KIAA1958: variants seen among roughly 807,000 people sequenced by gnomAD.
The protein encoded by KIAA1958 is KIAA1958.
In KIAA1958, 14 loss-of-function variants were observed where a neutral mutation model predicts 47.2. The ratio of observed to expected loss-of-function variants is 0.30; its 90% CI spans 0.20 to 0.46. KIAA1958 has a LOEUF of 0.46. KIAA1958 is among the 20% of genes least tolerant of loss of function. The pLI is 1.00. For synonymous variants in KIAA1958, 354 were observed against 353.3 expected (o/e 1.00, Z -0.02); for missense variants, 803 against 909.2 (o/e 0.88, Z 1.50).
At chr9:112,503,516 G>A (rs908102538) in intron 1 of KIAA1958, among the ~76,000 whole-genome samples, 19 of 150,548 alleles carry the variant, frequency 1.3e-4, no homozygotes, top group African/African-American at 2.9e-4. Context: ...AAGTGTGGTC[G>A]TGCATACCTG....
intron 1 of KIAA1958, among the ~76,000 whole-genome samples, chr9:112,499,862 GTA>G (rs1834105184): frequency 6.6e-6 from 1 of 150,866 alleles, no homozygotes; most frequent in African/African-American, 2.4e-5. Flanking sequence ...CTAATTTTTT[GTA>G]TATTTAGTAG....
intron 1 of KIAA1958, among the ~76,000 whole-genome samples, chr9:112,503,674 G>A (rs1834184213): frequency 6.7e-6 from 1 of 150,322 alleles, no homozygotes; most frequent in Admixed American, 6.6e-5. Context: ...GGGGAGAGCT[G>A]CAAGGAAAAA....
intron 1 of KIAA1958, among the ~76,000 whole-genome samples, chr9:112,564,934 G>A (rs1835402030): frequency 6.6e-6 from 1 of 152,050 alleles, no homozygotes; most frequent in Non-Finnish European, 1.5e-5. Context: ...TCTAAAATGA[G>A]GATAATTAAT....
At chr9:112,596,085 G>A (rs981509986) in intron 2 of KIAA1958, among the ~76,000 whole-genome samples, 6 of 152,046 alleles carry the variant, frequency 3.9e-5, no homozygotes, top group African/African-American at 9.7e-5. Context: ...GCACCCAGCC[G>A]AAAACATTTT....
chr9:112,611,605 T>C (rs1364755600), intron 2 of KIAA1958, among the ~76,000 whole-genome samples: 1 of 151,794 alleles, frequency 6.6e-6, no homozygotes, highest in East Asian at 1.9e-4. Context: ...AAATGAACAA[T>C]ATGGCAATAA....
intron 1 of KIAA1958, among the ~76,000 whole-genome samples, chr9:112,544,705 G>T (rs1438471876): frequency 6.6e-6 from 1 of 152,148 alleles, no homozygotes; most frequent in Non-Finnish European, 1.5e-5. Flanking sequence ...GTTAAGCTCT[G>T]CAACTTATAC....
chr9:112,502,796 GACTT>G (rs1342872954), intron 1 of KIAA1958, among the ~76,000 whole-genome samples: 1 of 152,212 alleles, frequency 6.6e-6, no homozygotes, highest in Non-Finnish European at 1.5e-5. Flanking sequence ...TTTACTATCT[GACTT>G]ACTCCAGGAA....
chr9:112,511,567 G>A (rs893219729), intron 1 of KIAA1958, among the ~76,000 whole-genome samples: 3 of 152,214 alleles, frequency 2.0e-5, no homozygotes, highest in African/African-American at 7.2e-5. Flanking sequence ...TATAGCTAAA[G>A]TAGTACTTTG....
chr9:112,534,573 C>T (rs570523015), intron 1 of KIAA1958, among the ~76,000 whole-genome samples: 2 of 147,150 alleles, frequency 1.4e-5, no homozygotes, highest in South Asian at 2.1e-4. Flanking sequence ...GATGGAGTTT[C>T]GTTCTTATTG....
At chr9:112,599,205 T>C (rs966518218) in intron 2 of KIAA1958, among the ~76,000 whole-genome samples, 1 of 152,224 alleles carries the variant, frequency 6.6e-6, no homozygotes, top group East Asian at 1.9e-4. Context: ...TTGTATTTTG[T>C]GGGGAAAATT....
chr9:112,509,200 CT>C (rs67222850), intron 1 of KIAA1958, among the ~76,000 whole-genome samples: 39,787 of 113,012 alleles, frequency 0.35, 5,057 homozygotes, highest in Middle Eastern at 0.44. Context: ...CAGGCCCATT[CT>C]TTTTTTTTTT....
intron 1 of KIAA1958, among the ~76,000 whole-genome samples, chr9:112,536,508 G>A (rs1450696373): frequency 6.6e-6 from 1 of 152,094 alleles, no homozygotes; most frequent in Non-Finnish European, 1.5e-5. Context: ...ATTAAAAAGG[G>A]GTGTGCAAGG....
intron 2 of KIAA1958, among the ~76,000 whole-genome samples, chr9:112,644,105 G>A (rs777790913): frequency 1.3e-5 from 2 of 152,136 alleles, no homozygotes; most frequent in Non-Finnish European, 2.9e-5. Flanking sequence ...GTGAACCTGG[G>A]AGGTGGAGGT....
At chr9:112,538,158 C>T (rs1370704330) in intron 1 of KIAA1958, among the ~76,000 whole-genome samples, 1 of 151,936 alleles carries the variant, frequency 6.6e-6, no homozygotes, top group Non-Finnish European at 1.5e-5. Context: ...TGGGGAAACC[C>T]CATCTCTACA....
intron 2 of KIAA1958, among the ~76,000 whole-genome samples, chr9:112,595,230 C>T (rs1164281086): frequency 6.6e-6 from 1 of 152,144 alleles, no homozygotes; most frequent in African/African-American, 2.4e-5. Context: ...ACAAGATAAT[C>T]CATAATGAAG....
At chr9:112,645,534 T>G in intron 2 of KIAA1958, 116 bp from the exon 3 acceptor site, 1 of 663,070 alleles carries the variant, frequency 1.5e-6, no homozygotes, top group Admixed American at 3.0e-5. Flanking sequence ...TAATAGACAT[T>G]TCATGTTTTA....
intron 2 of KIAA1958, among the ~76,000 whole-genome samples, chr9:112,580,752 A>C (rs1334265247): frequency 6.6e-6 from 1 of 151,026 alleles, no homozygotes; most frequent in Non-Finnish European, 1.5e-5. Context: ...GTGCCACTGC[A>C]CTCCAGCCTG....
At chr9:112,513,612 AGCC>A (rs1361204678) in intron 1 of KIAA1958, among the ~76,000 whole-genome samples, 1 of 131,594 alleles carries the variant, frequency 7.6e-6, no homozygotes, top group South Asian at 2.6e-4. Context: ...GACCGACCGC[AGCC>A]GCCGCCGCCC....
intron 1 of KIAA1958, among the ~76,000 whole-genome samples, chr9:112,497,968 CA>C (rs1428901210): frequency 6.6e-6 from 1 of 152,000 alleles, no homozygotes; most frequent in Non-Finnish European, 1.5e-5. Flanking sequence ...TCAAAGGGGA[CA>C]AATACCTCAT....
Sources: allele counts gnomAD v4.1 joint callset (sites outside exome capture counted in the v4.1 genomes callset), GRCh38; gene constraint gnomAD v4.1.1; transcripts MANE v1.5; gene names NCBI Gene and HGNC (gene_info 2026-07-23, HGNC 2026-07-21).